Variants in COMMD7 observed in about 807,000 individuals in gnomAD.
COMMD7 encodes COMM domain-containing protein 7.
COMMD7 carries 28 observed loss-of-function variants against 34.8 expected under a neutral mutation model. The ratio of observed to expected loss-of-function variants is 0.80; its 90% CI spans 0.60 to 1.10. COMMD7 has a LOEUF of 1.10. Ranked by LOEUF, COMMD7 falls within the 50% of genes least tolerant of loss-of-function variation. COMMD7 has a pLI of 0.00. For missense variants in COMMD7, 211 were observed against 241.6 expected (o/e 0.87, Z 0.84); for synonymous variants, 80 against 86.4 (o/e 0.93, Z 0.41).
intron 1 of COMMD7, among the ~76,000 whole-genome samples, chr20:32,735,749 G>A (rs921071776): frequency 6.6e-6 from 1 of 151,988 alleles, no homozygotes; most frequent in African/African-American, 2.4e-5. Flanking sequence ...CCAACTCCTA[G>A]GCTCCTGCCT....
chr20:32,712,768 T>C lies in COMMD7; in HGVS notation c.242-6008A>G, dbSNP rs1254388174. 1.7e-3 allele frequency among the ~76,000 whole-genome samples: 112 copies of C among 65,310 alleles called. 1 individual carries two copies. Among genetic ancestry groups the C allele is most frequent in the Non-Finnish European group, 3.0e-3 (86 of 29,048 alleles). 42.8% of individuals were successfully genotyped at this position (65,310 alleles called of 152,430 possible). A position where few individuals can be genotyped will look rare whatever the true frequency, so the allele number is the denominator to read the frequency against. ...ACGGAGACTTTTTTTTTTTTTTTTT[T>C]CGAGACAGAGTCTCACTCTGTCCCC... is the stretch of plus-strand genomic sequence containing the variant. On this transcript the variant is annotated intron_variant, in intron 3 of 8. Coordinates refer to ENST00000278980, the MANE Select transcript of COMMD7 (RefSeq NM_053041.3).
At chr20:32,717,321 ATTTTTTTT>A (rs59777332) in intron 3 of COMMD7, among the ~76,000 whole-genome samples, 2 of 141,370 alleles carry the variant, frequency 1.4e-5, no homozygotes, top group South Asian at 2.2e-4. Context: ...TGCCCAGTTA[ATTTTTTTT>A]TTTTTTTTTT....
At chr20:32,739,003 T>C (rs574311446) in intron 1 of COMMD7, among the ~76,000 whole-genome samples, 1 of 152,346 alleles carries the variant, frequency 6.6e-6, no homozygotes, top group East Asian at 1.9e-4. Flanking sequence ...CTGAACCATC[T>C]TTCTTAACTG....
intron 1 of COMMD7, among the ~76,000 whole-genome samples, chr20:32,741,277 G>C (rs776922231): frequency 6.6e-6 from 1 of 152,068 alleles, no homozygotes; most frequent in Non-Finnish European, 1.5e-5. Context: ...CTATTCACAG[G>C]TGGAATCACC....
At chr20:32,733,099 G>A (rs1457585451) in intron 1 of COMMD7, among the ~76,000 whole-genome samples, 1 of 150,900 alleles carries the variant, frequency 6.6e-6, no homozygotes, top group Admixed American at 6.6e-5. Flanking sequence ...AGCTGGGCAT[G>A]GTGGCGGGCG....
intron 3 of COMMD7, among the ~76,000 whole-genome samples, chr20:32,713,030 C>T (rs564456532): frequency 1.3e-5 from 2 of 151,214 alleles, no homozygotes; most frequent in South Asian, 4.2e-4. Context: ...CTGTGCCCGT[C>T]CTCTTTCTTT....
At chr20:32,737,656 G>A (rs1172433942) in intron 1 of COMMD7, among the ~76,000 whole-genome samples, 1 of 138,126 alleles carries the variant, frequency 7.2e-6, no homozygotes, top group South Asian at 2.4e-4. Flanking sequence ...AACAGTGACC[G>A]TGTTGCTATA....
At chr20:32,711,621 G>C (rs1019966676) in intron 3 of COMMD7, among the ~76,000 whole-genome samples, 20 of 152,212 alleles carry the variant, frequency 1.3e-4, no homozygotes, top group African/African-American at 4.8e-4. Context: ...AGGGATGGAA[G>C]AGCAAGCTCT....
chr20:32,735,703 A>G (rs1986101410), intron 1 of COMMD7, among the ~76,000 whole-genome samples: 2 of 152,218 alleles, frequency 1.3e-5, no homozygotes, highest in South Asian at 4.1e-4. Context: ...TTCAGGCTGG[A>G]GTACAGTGGG....
Position 32,704,434 on chromosome 20 carries a change from A to T in COMMD7, c.477+6T>A, listed in dbSNP as rs1193884012. On this transcript the variant is annotated splice_donor_region_variant and intron_variant, in intron 7 of 8. Transcript: ENST00000278980. ...ACCCATTTTCAAGGATCAGGAGAAGACTTACTTGTAAAAATATACTTCCCA... is the reference window on the plus strand; with the variant it reads ...ACCCATTTTCAAGGATCAGGAGAAGTCTTACTTGTAAAAATATACTTCCCA... 1 of 1,610,874 alleles carries T rather than the reference A, an allele frequency of 6.2e-7. No homozygotes were observed. The highest frequency in any genetic ancestry group is 1.7e-5 in the Admixed American group (1 of 59,466).
Position 32,723,044 on chromosome 20 carries a change from T to TAA in COMMD7, c.241+4847_241+4848dup, listed in dbSNP as rs373468047. On this transcript the variant is annotated intron_variant, in intron 3 of 8. Transcript: ENST00000278980. ...AAAAATAAATAAATAAATAAATAAA[T>TAA]AAATAATAATAATAATAATAAAGAC... 4.6e-4 allele frequency among the ~76,000 whole-genome samples: 2 copies of TAA among 4,364 alleles called. 1 individual carries two copies. Among genetic ancestry groups the TAA allele is most frequent in the East Asian group, 0.053 (2 of 38 alleles). 2.9% of individuals were successfully genotyped at this position (4,364 alleles called of 152,430 possible). A position where few individuals can be genotyped will look rare whatever the true frequency, so the allele number is the denominator to read the frequency against.
At chr20:32,720,020 A>G (rs1985055147) in intron 3 of COMMD7, among the ~76,000 whole-genome samples, 1 of 152,176 alleles carries the variant, frequency 6.6e-6, no homozygotes, top group Admixed American at 6.6e-5. Flanking sequence ...TAACACCGCA[A>G]TAAGCTGCTA....
intron 1 of COMMD7, among the ~76,000 whole-genome samples, chr20:32,735,086 A>C (rs1986062541): frequency 6.7e-6 from 1 of 150,254 alleles, no homozygotes; most frequent in South Asian, 2.1e-4. Context: ...AAAACATAAA[A>C]AATTAGCTGG....
chr20:32,702,712 CTT>C lies in COMMD7; in HGVS notation c.*668_*669del, dbSNP rs909259091. 5 of 152,218 alleles carry C rather than the reference CTT, an allele frequency of 3.3e-5. No homozygotes were observed. The highest frequency in any genetic ancestry group is 1.2e-4 in the African/African-American group (5 of 41,462). 9.4% of individuals were successfully genotyped at this position (152,218 alleles called of 1,614,324 possible). A position where few individuals can be genotyped will look rare whatever the true frequency, so the allele number is the denominator to read the frequency against. Reference sequence around the variant, plus strand: ...TGGATCCAGACCTTTTCTTCAGAACCTTTTTATTCATCATCTAACCAACAGAG... The same window carrying C: ...TGGATCCAGACCTTTTCTTCAGAACCTTTATTCATCATCTAACCAACAGAG... On this transcript the variant is annotated 3_prime_UTR_variant, in exon 9 of 9. Transcript: ENST00000278980.
At chr20:32,710,655 G>GCTACT (rs1984379455) in intron 3 of COMMD7, among the ~76,000 whole-genome samples, 1 of 151,266 alleles carries the variant, frequency 6.6e-6, no homozygotes, top group South Asian at 2.1e-4. Context: ...CTTGAGCCCA[G>GCTACT]GAGGTTGAGG....
intron 5 of COMMD7, among the ~76,000 whole-genome samples, chr20:32,706,285 G>A (rs1984074803): frequency 6.6e-6 from 1 of 151,604 alleles, no homozygotes; most frequent in Non-Finnish European, 1.5e-5. Context: ...AGGCCAAGGT[G>A]GGTGGATCAC....
chr20:32,703,542 T>G, intron 8 of COMMD7, 84 bp from the exon 9 acceptor site: 1 of 1,527,010 alleles, frequency 6.5e-7, no homozygotes, highest in East Asian at 2.3e-5. Flanking sequence ...CCGGAGGATT[T>G]TTTTTTTCTT....
chr20:32,708,988 T>C (rs1178728048), intron 3 of COMMD7, among the ~76,000 whole-genome samples: 1 of 152,022 alleles, frequency 6.6e-6, no homozygotes, highest in Non-Finnish European at 1.5e-5. Flanking sequence ...TTAACTTAGT[T>C]TACCAGGAAA....
chr20:32,729,721 T>A (rs1340915408), intron 1 of COMMD7, among the ~76,000 whole-genome samples: 1 of 151,552 alleles, frequency 6.6e-6, no homozygotes, highest in Non-Finnish European at 1.5e-5. Flanking sequence ...GAAATAAATG[T>A]CTGGGCTGGG....
Sources: gnomAD v4.1 joint callset for allele counts (sites outside exome capture counted in the v4.1 genomes callset) on GRCh38, gnomAD v4.1.1 for gene constraint, MANE v1.5 for transcripts, NCBI Gene and HGNC (gene_info 2026-07-23, HGNC 2026-07-21) for gene names.